The following SLC19A1 variants were observed in gnomAD, a reference collection of about 807,000 sequenced individuals.
The protein encoded by SLC19A1 is reduced folate transporter.
Under a neutral mutation model 35.3 loss-of-function variants are expected in SLC19A1, and 37 were observed. That is an observed-to-expected ratio of 1.05 (90% CI 0.81 to 1.38). SLC19A1 has a LOEUF of 1.38. SLC19A1 is among the 40% of genes most tolerant of loss of function. The pLI is 0.00. For synonymous variants in SLC19A1, 460 were observed against 398.5 expected (o/e 1.15, Z -1.84); for missense variants, 831 against 826.9 (o/e 1.00, Z -0.06).
chr21:45,519,531 G>A (rs1305979319), intron 5 of SLC19A1, among the ~76,000 whole-genome samples: 1 of 148,884 alleles, frequency 6.7e-6, no homozygotes, highest in Admixed American at 6.7e-5. Context: ...AGGAAAGCAG[G>A]GGTGGCTATA....
chr21:45,532,281 A>C, intron 2 of SLC19A1, 133 bp from the exon 3 acceptor site: 1 of 690,612 alleles, frequency 1.4e-6, no homozygotes, highest in Non-Finnish European at 2.4e-6. Context: ...TCTCCCCAAC[A>C]CGCCCCTGTC....
intron 4 of SLC19A1, 36 bp from the exon 5 acceptor site, chr21:45,525,994 G>A: frequency 1.9e-6 from 3 of 1,603,382 alleles, no homozygotes; most frequent in Non-Finnish European, 2.6e-6. Flanking sequence ...GGCGCTGCTG[G>A]GAGAATAAGC....
Position 45,532,027 on chromosome 21 carries a change from A to T in SLC19A1, c.311T>A (p.Val104Glu), listed in dbSNP as rs759378830. The change falls in exon 3 of 6, where the codon GTG becomes GAG. Residue 104 changes from valine (V) to glutamate (E), a missense_variant. Physicochemically the swap from Val to Glu is moderately radical, Grantham distance 121. Transcript: ENST00000311124. ...PVLLLQGLSF[V>E]SVWLLLLLGH... ...CAGCAGCAGCAGCAGCCACACCGAC[A>T]CGAAGCTGAGCCCCTGCAGCAGCAG... 14 of 1,611,910 alleles carry T rather than the reference A, an allele frequency of 8.7e-6. No homozygotes were observed. The highest frequency in any genetic ancestry group is 3.3e-4 in the Middle Eastern group (2 of 6,062).
In SLC19A1 at chr21:45,505,167, G is replaced by A. The variant is rs750662609; in HGVS notation, c.498-6555C>T. On this transcript the variant is annotated intron_variant, in intron 3 of 4. Coordinates refer to the SLC19A1 transcript ENST00000417954. ...GGGAGAGAGCATCCGGGGCCAGCCC[G>A]GCCCACCTGGACCTCAGGGACCCCC... 2.4e-5 allele frequency: 38 copies of A among 1,607,420 alleles called. No homozygotes were observed. Among genetic ancestry groups the A allele is most frequent in the Non-Finnish European group, 3.0e-5 (35 of 1,177,930 alleles).
At chr21:45,505,322 T>C (rs775722514) in intron 3 of SLC19A1, 7 of 1,596,416 alleles carry the variant, frequency 4.4e-6, no homozygotes, top group Non-Finnish European at 6.0e-6. Context: ...CCGCCTCGTG[T>C]GGCTTCGTGT....
intron 1 of SLC19A1, among the ~76,000 whole-genome samples, chr21:45,551,934 T>C (rs1392513762): frequency 6.6e-6 from 1 of 152,110 alleles, no homozygotes; most frequent in African/African-American, 2.4e-5. Context: ...TAGGGCAGTG[T>C]GGAGATGGAC....
At position 45,530,125 on chromosome 21, in the gene SLC19A1, T is replaced by A. The variant is rs1160994919; in HGVS notation, c.1151+645A>T. Among the ~76,000 whole-genome samples the A allele has an allele frequency of 6.7e-6, 1 of 150,302 alleles. No homozygotes were observed. Among genetic ancestry groups the A allele is most frequent in the Admixed American group, 6.6e-5 (1 of 15,118 alleles). ...TGTGGTGTATCCATCTGTGAGCGTG[T>A]GGTGTGTTCATGTGAGTGTGCATTG... On this transcript the variant is annotated intron_variant, in intron 4 of 5. Coordinates refer to ENST00000311124, the MANE Select transcript of SLC19A1 (RefSeq NM_194255.4). This position sits in a 1 kb window ranked among gnomAD's most constrained non-coding sequence, Gnocchi z 5.3.
In SLC19A1 at chr21:45,534,071, C is replaced by T. The variant is rs535771205; in HGVS notation, c.190-1923G>A. On this transcript the variant is annotated intron_variant, in intron 2 of 5. Coordinates refer to ENST00000311124, the MANE Select transcript of SLC19A1 (RefSeq NM_194255.4). This position sits in a 1 kb window ranked among gnomAD's most constrained non-coding sequence, Gnocchi z 4.2. The stretch of plus-strand genomic sequence containing the variant: ...CAGCACCAGGCACCCAAGGTCCCTC[C>T]GGCACTCCGTCCTGCTCAGGACATT... Among the ~76,000 whole-genome samples, 5 of 152,248 alleles carry T rather than the reference C, an allele frequency of 3.3e-5. No individual in the cohort carries two copies. Among genetic ancestry groups the T allele is most frequent in the African/African-American group, 9.6e-5 (4 of 41,540 alleles).
intron 5 of SLC19A1, among the ~76,000 whole-genome samples, chr21:45,521,671 A>G (rs917323229): frequency 3.3e-5 from 5 of 152,266 alleles, no homozygotes; most frequent in African/African-American, 1.2e-4. Flanking sequence ...GTAAACACAT[A>G]GTTCAATGGA....
At chr21:45,557,306 G>A (rs2078573031) in intron 1 of SLC19A1, among the ~76,000 whole-genome samples, 1 of 152,206 alleles carries the variant, frequency 6.6e-6, no homozygotes, top group African/African-American at 2.4e-5. Context: ...ACAGACCTTG[G>A]CCTCGTGACA....
At position 45,551,117 on chromosome 21, in the gene SLC19A1, C is replaced by A. The variant is rs1414465215; in HGVS notation, c.-50+11625G>T. Reference sequence around the variant, plus strand: ...CTCTTATTTTCTTTCAAGGAACTACCTTTTGGATCTAAAAACTCAAGTTTT... The same window carrying A: ...CTCTTATTTTCTTTCAAGGAACTACATTTTGGATCTAAAAACTCAAGTTTT... On this transcript the variant is annotated intron_variant, in intron 1 of 5. Transcript: ENST00000650808. Among the ~76,000 whole-genome samples the A allele has an allele frequency of 2.0e-5, 3 of 151,358 alleles. No individual in the cohort carries two copies. The East Asian group carries it at 5.8e-4, about 29-fold the overall frequency.
chr21:45,503,974 C>T (rs757757434), intron 3 of SLC19A1: 10 of 1,612,400 alleles, frequency 6.2e-6, no homozygotes, highest in South Asian at 3.3e-5. Flanking sequence ...CTGTCAGACA[C>T]CACCTCAGCG....
In SLC19A1 at chr21:45,530,657, C is replaced by T; in HGVS notation, c.1151+113G>A. The T allele has an allele frequency of 8.7e-7, 1 of 1,149,014 alleles. No homozygotes were observed. Among genetic ancestry groups the T allele is most frequent in the Non-Finnish European group, 1.2e-6 (1 of 817,278 alleles). 71.2% of individuals were successfully genotyped at this position (1,149,014 alleles called of 1,614,324 possible). ...GGTCAGCTCCAGGTGGCTGGCGGGG[C>T]CAGCAGTGGCACAGCCGCTGGGGCG... On this transcript the variant is annotated intron_variant, in intron 4 of 5. Coordinates refer to ENST00000311124, the MANE Select transcript of SLC19A1 (RefSeq NM_194255.4). This position sits in a 1 kb window ranked among gnomAD's most constrained non-coding sequence, Gnocchi z 5.3.
At chr21:45,509,194 C>G (rs1452965228), downstream of SLC19A1, among the ~76,000 whole-genome samples, 1 of 152,070 alleles carries the variant, frequency 6.6e-6, no homozygotes, top group Non-Finnish European at 1.5e-5. Flanking sequence ...CCCACCCTTG[C>G]TGCTGCCTAC....
At chr21:45,521,148 C>A (rs774249879) in intron 5 of SLC19A1, among the ~76,000 whole-genome samples, 1 of 152,158 alleles carries the variant, frequency 6.6e-6, no homozygotes, top group Non-Finnish European at 1.5e-5. Context: ...GAGAAACCAA[C>A]CTGCCAACAC....
At chr21:45,545,460 C>T (rs2078404564), upstream of SLC19A1, among the ~76,000 whole-genome samples, 1 of 151,892 alleles carries the variant, frequency 6.6e-6, no homozygotes, top group Admixed American at 6.5e-5. Context: ...CTTCCTGAGG[C>T]CTCACCAGGA....
chr21:45,562,421 T>C (rs944422), intron 1 of SLC19A1, among the ~76,000 whole-genome samples: 64,433 of 152,004 alleles, frequency 0.42, 13,957 homozygotes, highest in African/African-American at 0.52. Context: ...ACTAACAGCC[T>C]GGGAGGAACA....
chr21:45,504,604 T>A, intron 3 of SLC19A1: 1 of 1,528,318 alleles, frequency 6.5e-7, no homozygotes, highest in Non-Finnish European at 8.9e-7. Context: ...GGGGTCTGGG[T>A]GCAGGAGCCG....
chr21:45,557,310 C>T (rs976271417), intron 1 of SLC19A1, among the ~76,000 whole-genome samples: 9 of 152,182 alleles, frequency 5.9e-5, no homozygotes, highest in Non-Finnish European at 4.4e-5. Flanking sequence ...ACCTTGGCCT[C>T]GTGACACCCT....
Sources: gnomAD v4.1 joint callset for allele counts (sites outside exome capture counted in the v4.1 genomes callset) on GRCh38, gnomAD v4.1.1 for gene constraint, Gnocchi (gnomAD v3.1) non-coding constraint, MANE v1.5 for transcripts, NCBI Gene and HGNC (gene_info 2026-07-23, HGNC 2026-07-21) for gene names.